Variants in PIK3R6 observed in about 807,000 individuals in gnomAD.
PIK3R6 encodes the protein phosphoinositide 3-kinase regulatory subunit 6.
In PIK3R6, 91 loss-of-function variants were observed where a neutral mutation model predicts 84.9. The ratio of observed to expected loss-of-function variants is 1.07; its 90% confidence interval spans 0.90 to 1.28. PIK3R6 has a LOEUF of 1.28. Among genes scored for constraint, PIK3R6 ranks in the 50% most tolerant of loss-of-function variants. The probability of loss-of-function intolerance (pLI) is 0.00; values close to 1 mark genes in which losing one functional copy is unlikely to be tolerated. For missense variants in PIK3R6, 996 were observed against 985.1 expected (o/e 1.01, Z -0.15); for synonymous variants, 416 against 411.4 (o/e 1.01, Z -0.13).
intron 18 of PIK3R6, among the ~76,000 whole-genome samples, chr17:8,815,300 G>C (rs2087495564): frequency 6.6e-6 from 1 of 152,208 alleles, no homozygotes; most frequent in African/African-American, 2.4e-5. Flanking sequence ...GAGGCCAAGA[G>C]ATAGAGACAA....
intron 9 of PIK3R6, among the ~76,000 whole-genome samples, chr17:8,830,989 CAA>C (rs1460116589): frequency 6.6e-6 from 1 of 151,486 alleles, no homozygotes; most frequent in Non-Finnish European, 1.5e-5. Context: ...TAAAAAAACA[CAA>C]AAAAATTAGC....
chr17:8,857,262 C>A (rs898074114), intron 1 of PIK3R6, among the ~76,000 whole-genome samples: 1 of 152,134 alleles, frequency 6.6e-6, no homozygotes, highest in South Asian at 2.1e-4. Context: ...AGGGCAGCAG[C>A]CACTCAGTGG....
intron 1 of PIK3R6, among the ~76,000 whole-genome samples, chr17:8,858,379 C>A (rs184394192): frequency 2.1e-5 from 3 of 141,780 alleles, no homozygotes; most frequent in Non-Finnish European, 4.5e-5. Flanking sequence ...TGCAGTGACG[C>A]GATCTCGGCT....
At chr17:8,840,877 C>T (rs911254432) in intron 2 of PIK3R6, among the ~76,000 whole-genome samples, 9 of 151,504 alleles carry the variant, frequency 5.9e-5, no homozygotes, top group Non-Finnish European at 7.4e-5. Flanking sequence ...CTCAGCCTCC[C>T]GAGTAGCTGG....
chr17:8,851,603 A>T (rs2151299705), intron 1 of PIK3R6, among the ~76,000 whole-genome samples: 1 of 152,356 alleles, frequency 6.6e-6, no homozygotes, highest in East Asian at 1.9e-4. Flanking sequence ...CCTGCTTTCC[A>T]GTCATTGAGT....
intron 8 of PIK3R6, 137 bp downstream of exon 8, chr17:8,835,136 C>A (rs931909446): frequency 4.7e-6 from 5 of 1,066,542 alleles, no homozygotes; most frequent in African/African-American, 1.6e-5. Flanking sequence ...CTGCGCCCAG[C>A]CAAAATGTAT....
chr17:8,850,787 T>A (rs114787225), intron 1 of PIK3R6, among the ~76,000 whole-genome samples: 1,943 of 152,320 alleles, frequency 0.013, 38 homozygotes, highest in African/African-American at 0.045. Context: ...AAATGATAAA[T>A]GTCATATATA....
chr17:8,833,036 G>T lies in PIK3R6; in HGVS notation c.655C>A (p.Arg219Ser), dbSNP rs770664795. Residue 219 changes from arginine (R) to serine (S), a missense_variant, in exon 9 of 20, where the codon CGC becomes AGC. Physicochemically the swap from Arg to Ser is moderately radical, Grantham distance 110. Coordinates refer to ENST00000619866, the MANE Select transcript of PIK3R6 (RefSeq NM_001010855.4). Reference sequence around the variant, plus strand: ...TGGAAATAGTGCTCCAGGGTGCGGCGAGGGCTGGCCTGTTGGGGAGGGGCG... The same window carrying T: ...TGGAAATAGTGCTCCAGGGTGCGGCTAGGGCTGGCCTGTTGGGGAGGGGCG... Reference protein sequence around the residue: ...ALHRKLQASPRRTLEHYFHAV... With the variant: ...ALHRKLQASPSRTLEHYFHAV... 1.3e-6 allele frequency: 2 copies of T among 1,593,328 alleles called. No individual in the cohort carries two copies. Among genetic ancestry groups the T allele is most frequent in the Non-Finnish European group, 1.7e-6 (2 of 1,172,728 alleles).
chr17:8,864,738 C>A (rs1237506865), intron 1 of PIK3R6, among the ~76,000 whole-genome samples: 1 of 151,834 alleles, frequency 6.6e-6, no homozygotes, highest in Non-Finnish European at 1.5e-5. Context: ...GGGGTTTCAC[C>A]GTGTTGGCCA....
chr17:8,849,967 G>T, intron 1 of PIK3R6, 82 bp from the exon 2 acceptor site: 1 of 765,508 alleles, frequency 1.3e-6, no homozygotes, highest in Non-Finnish European at 2.0e-6. Flanking sequence ...GCTCCTAAGG[G>T]ACCTAGGCTT....
chr17:8,849,989 G>A (rs989309841), intron 1 of PIK3R6, 104 bp from the exon 2 acceptor site: 9 of 585,364 alleles, frequency 1.5e-5, no homozygotes, highest in Non-Finnish European at 2.6e-5. Flanking sequence ...TAGCACACTG[G>A]GGGGAAGTCT....
rs2088764514 is a variant in PIK3R6 at position 8,844,287 on chromosome 17, C to T, written c.14-4590G>A. ...GTGGACTGGAGACGACAGACTTTTC[C>T]CACTACCCAGACTTTATAAACCCTG... On this transcript the variant is annotated intron_variant, in intron 2 of 19. Transcript: ENST00000619866. The surrounding 1 kb of genome is among the most constrained non-coding windows in gnomAD (Gnocchi z 4.5). 6.6e-6 allele frequency among the ~76,000 whole-genome samples: 1 copy of T among 152,214 alleles called. No individual in the cohort carries two copies. Among genetic ancestry groups the T allele is most frequent in the Admixed American group, 6.5e-5 (1 of 15,284 alleles).
chr17:8,833,049 T>C lies in PIK3R6; in HGVS notation c.646-4A>G. On this transcript the variant is annotated splice_region_variant and splice_polypyrimidine_tract_variant and intron_variant, in intron 8 of 19. Transcript: ENST00000619866. ...CCAGGGTGCGGCGAGGGCTGGCCTGTTGGGGAGGGGCGTCAGAGCCTGGGT... is the reference window on the plus strand; with the variant it reads ...CCAGGGTGCGGCGAGGGCTGGCCTGCTGGGGAGGGGCGTCAGAGCCTGGGT... 6.3e-7 allele frequency: 1 copy of C among 1,577,530 alleles called. No homozygotes were observed.
intron 2 of PIK3R6, among the ~76,000 whole-genome samples, chr17:8,846,476 G>GT (rs1423445285): frequency 1.3e-5 from 2 of 152,002 alleles, no homozygotes; most frequent in Non-Finnish European, 2.9e-5. Flanking sequence ...TTTTAGAATA[G>GT]TTTTTTTCTA....
At position 8,845,923 on chromosome 17, in the gene PIK3R6, C is replaced by T. The variant is rs138746581; in HGVS notation, c.13+3859G>A. Among the ~76,000 whole-genome samples the T allele has an allele frequency of 8.0e-3, 1,219 of 152,188 alleles. 14 individuals are homozygous for T. The highest frequency in any genetic ancestry group is 0.028 in the African/African-American group (1,159 of 41,516). On this transcript the variant is annotated intron_variant, in intron 2 of 19. Coordinates refer to ENST00000619866, the MANE Select transcript of PIK3R6 (RefSeq NM_001010855.4). ...CTGCACTCCAGCCTGGGCAACAGAG[C>T]GAGACTATGTCTCAAAAAATCAAAA...
At chr17:8,819,689 T>TACACAC (rs59882941) in intron 17 of PIK3R6, among the ~76,000 whole-genome samples, 1 of 135,886 alleles carries the variant, frequency 7.4e-6, no homozygotes, top group African/African-American at 2.9e-5. Flanking sequence ...TATATATATA[T>TACACAC]ACACACACAC....
Position 8,803,569 on chromosome 17 carries a change from G to T in PIK3R6, c.2109-140C>A. 1.2e-6 allele frequency: 1 copy of T among 837,946 alleles called. No homozygotes were observed. The highest frequency in any genetic ancestry group is 2.8e-5 in the East Asian group (1 of 35,090). The allele number at this position is 837,946 out of a possible 1,614,324, so 51.9% of individuals were successfully genotyped here. ...AGGAGGCGGCTACACAGAAGAAAGA[G>T]GAAGAGTCAGGACAAGAAAGAAAAA... is the stretch of plus-strand genomic sequence containing the variant. On this transcript the variant is annotated intron_variant, in intron 19 of 19. Coordinates refer to ENST00000619866, the MANE Select transcript of PIK3R6 (RefSeq NM_001010855.4). This position sits in a 1 kb window ranked among gnomAD's most constrained non-coding sequence, Gnocchi z 5.0.
At chr17:8,849,720 G>T in intron 2 of PIK3R6, 62 bp downstream of exon 2, 1 of 1,551,856 alleles carries the variant, frequency 6.4e-7, no homozygotes, top group Non-Finnish European at 8.7e-7. Context: ...CCTCACCCAT[G>T]AGAAGGGCCT....
At chr17:8,856,399 C>T (rs1335153502) in intron 1 of PIK3R6, among the ~76,000 whole-genome samples, 1 of 152,134 alleles carries the variant, frequency 6.6e-6, no homozygotes, top group Non-Finnish European at 1.5e-5. Context: ...GTCAGGAGTT[C>T]GAGACCAGGC....
Sources: allele counts gnomAD v4.1 joint callset (sites outside exome capture counted in the v4.1 genomes callset), GRCh38; gene constraint gnomAD v4.1.1; non-coding constraint Gnocchi (gnomAD v3.1); transcripts MANE v1.5; gene names NCBI Gene and HGNC (gene_info 2026-07-23, HGNC 2026-07-21).